CCDC148: variants seen among roughly 807,000 people sequenced by gnomAD.
CCDC148 encodes the protein coiled-coil domain containing 148, also known as coiled-coil domain-containing protein 148.
Under a neutral mutation model 85.7 loss-of-function variants are expected in CCDC148, and 89 were observed. That is an observed-to-expected ratio of 1.04 (90% CI 0.87 to 1.24). The LOEUF (loss-of-function observed/expected upper bound fraction) is 1.24, where lower values mean the gene tolerates loss of function less well. CCDC148 is among the 50% of genes most tolerant of loss of function. CCDC148 has a pLI of 0.00. For missense variants in CCDC148, 692 were observed against 671.7 expected, an observed-to-expected ratio of 1.03 and a Z score of -0.33; for synonymous variants, 230 against 213.9, an observed-to-expected ratio of 1.08 and a Z score of -0.66.
intron 1 of CCDC148, among the ~76,000 whole-genome samples, chr2:158,431,980 A>C (rs1218318585): frequency 2.0e-5 from 3 of 152,168 alleles, no homozygotes; most frequent in Admixed American, 6.5e-5. Flanking sequence ...TACCACACAT[A>C]TACATGAAAA....
chr2:158,322,686 A>G (rs1692575481), intron 7 of CCDC148, among the ~76,000 whole-genome samples: 1 of 152,088 alleles, frequency 6.6e-6, no homozygotes. Context: ...ACTAATGAGT[A>G]GAATAAAGCT....
chr2:158,172,614 T>A (rs1277070797), intron 13 of CCDC148, among the ~76,000 whole-genome samples: 1 of 152,100 alleles, frequency 6.6e-6, no homozygotes, highest in Non-Finnish European at 1.5e-5. Flanking sequence ...AATCATTGAT[T>A]AAAATAAATC....
chr2:158,220,743 A>G, intron 10 of CCDC148, 30 bp from the exon 11 acceptor site: 2 of 1,476,434 alleles, frequency 1.4e-6, no homozygotes, highest in South Asian at 2.5e-5. Flanking sequence ...TAAAATTTAA[A>G]TTAACAACAG....
intron 1 of CCDC148, among the ~76,000 whole-genome samples, chr2:158,430,001 T>A (rs1687266217): frequency 6.6e-6 from 1 of 152,204 alleles, no homozygotes; most frequent in African/African-American, 2.4e-5. Flanking sequence ...GAGGGAGCTA[T>A]GCATAAAATC....
intron 1 of CCDC148, among the ~76,000 whole-genome samples, chr2:158,453,902 C>A (rs1485072083): frequency 6.6e-6 from 1 of 152,110 alleles, no homozygotes; most frequent in Non-Finnish European, 1.5e-5. Context: ...AGCACAGGCC[C>A]TCTCCCCACC....
rs776523193 is a variant in CCDC148, at chr2:158,313,853, G to A, written c.806C>T (p.Ala269Val). 6.2e-7 allele frequency: 1 copy of A among 1,613,774 alleles called. No homozygotes were observed. The highest frequency in any genetic ancestry group is 1.1e-5 in the South Asian group (1 of 91,052). The change falls in exon 8 of 14, where the codon GCT becomes GTT. Residue 269 changes from alanine to valine, a missense_variant. Physicochemically the swap from Ala to Val is moderately conservative, Grantham distance 64 (BLOSUM62 0). Coordinates refer to ENST00000283233, the MANE Select transcript of CCDC148 (RefSeq NM_138803.4). ...LSEEDHWIYQ[A>V]ILDQYPGDLF... The stretch of plus-strand genomic sequence containing the variant: ...ATCTCCAGGGTACTGATCCAAAATA[G>A]CCTGGTAAATCCAGTGGTCTTCTTC...
In CCDC148 at chr2:158,456,656, C is replaced by T. The variant is rs577747101; in HGVS notation, c.-217G>A. ...GCCAGCGCTGGGGAATCTCCCTGTC[C>T]TCTCCGCCACCCCCTCCCGCGCCCG... On this transcript the variant is annotated 5_prime_UTR_variant, in exon 1 of 14. Transcript: ENST00000283233. The T allele has an allele frequency of 3.6e-4, 221 of 610,784 alleles. No homozygotes were observed. The African/African-American group carries it at 3.7e-3, about 10-fold the overall frequency. 37.8% of individuals were successfully genotyped at this position (610,784 alleles called of 1,614,324 possible).
At chr2:158,274,934 A>C (rs187508708) in intron 9 of CCDC148, among the ~76,000 whole-genome samples, 14 of 152,382 alleles carry the variant, frequency 9.2e-5, no homozygotes, top group Admixed American at 6.5e-4. Context: ...AAAGGATTTC[A>C]AGATGAAAGG....
chr2:158,271,267 T>A (rs1689687113), intron 9 of CCDC148, among the ~76,000 whole-genome samples: 1 of 152,226 alleles, frequency 6.6e-6, no homozygotes, highest in Non-Finnish European at 1.5e-5. Flanking sequence ...AATATATCTA[T>A]GCTTCTTAAC....
At position 158,315,973 on chromosome 2, in the gene CCDC148, C is replaced by T. The variant is rs372344693; in HGVS notation, c.765-2079G>A. Among the ~76,000 whole-genome samples, 14 of 152,338 alleles carry T rather than the reference C, an allele frequency of 9.2e-5. No homozygotes were observed. The East Asian group carries it at 2.5e-3, about 27-fold the overall frequency. On this transcript the variant is annotated intron_variant, in intron 7 of 13. Coordinates refer to ENST00000283233, the MANE Select transcript of CCDC148 (RefSeq NM_138803.4). Reference sequence around the variant, plus strand: ...CTTTCTTGCTTACACATTTCCCTTCCTCTATTTGGCTTCCTTCACAGCCCT... The same window carrying T: ...CTTTCTTGCTTACACATTTCCCTTCTTCTATTTGGCTTCCTTCACAGCCCT...
intron 1 of CCDC148, among the ~76,000 whole-genome samples, chr2:158,376,294 A>T (rs1205494822): frequency 1.3e-5 from 2 of 152,084 alleles, no homozygotes. Flanking sequence ...CTGGAAAGGG[A>T]AAGAAAAAAA....
chr2:158,358,895 T>G (rs1408502852), intron 1 of CCDC148, among the ~76,000 whole-genome samples: 1 of 152,126 alleles, frequency 6.6e-6, no homozygotes, highest in Non-Finnish European at 1.5e-5. Context: ...TAACCCATTC[T>G]TTTTATTTAA....
At chr2:158,394,709 C>G (rs555221891) in intron 1 of CCDC148, among the ~76,000 whole-genome samples, 1 of 152,138 alleles carries the variant, frequency 6.6e-6, no homozygotes, top group East Asian at 1.9e-4. Context: ...GGCCCCTCCT[C>G]TGTTCCCTTT....
At chr2:158,399,516 C>T (rs191498565) in intron 1 of CCDC148, among the ~76,000 whole-genome samples, 17 of 151,932 alleles carry the variant, frequency 1.1e-4, no homozygotes, top group East Asian at 3.9e-4. Context: ...ACAGAACCAA[C>T]GACAAAAAAC....
At chr2:158,312,394 C>T (rs1692064357) in intron 8 of CCDC148, among the ~76,000 whole-genome samples, 1 of 151,838 alleles carries the variant, frequency 6.6e-6, no homozygotes, top group Non-Finnish European at 1.5e-5. Context: ...CCATCCTGGC[C>T]AACACGGTGA....
At chr2:158,252,217 C>T (rs1181334007) in intron 9 of CCDC148, among the ~76,000 whole-genome samples, 1 of 151,736 alleles carries the variant, frequency 6.6e-6, no homozygotes, top group Non-Finnish European at 1.5e-5. Context: ...TAAAGTGACT[C>T]TAAAGTTCAT....
intron 7 of CCDC148, among the ~76,000 whole-genome samples, chr2:158,331,124 C>G (rs1693087219): frequency 6.6e-6 from 1 of 152,048 alleles, no homozygotes; most frequent in African/African-American, 2.4e-5. Flanking sequence ...TAGATCTTTC[C>G]TGCTTTCTCT....
chr2:158,239,389 T>A (rs1688253292), intron 10 of CCDC148, among the ~76,000 whole-genome samples: 1 of 151,542 alleles, frequency 6.6e-6, no homozygotes, highest in Non-Finnish European at 1.5e-5. Flanking sequence ...TTCTACCTTT[T>A]AAAAAGATGC....
At position 158,333,039 on chromosome 2, in the gene CCDC148, C is replaced by G. The variant is rs184663790; in HGVS notation, c.764+5687G>C. On this transcript the variant is annotated intron_variant, in intron 7 of 13. Transcript: ENST00000283233. Reference sequence around the variant, plus strand: ...TTTCTTGTCTCTATCTCTTTCAGTTCTGCTCTGATCTTAGTTATTTCTTGT... The same window carrying G: ...TTTCTTGTCTCTATCTCTTTCAGTTGTGCTCTGATCTTAGTTATTTCTTGT... 4.9e-3 allele frequency among the ~76,000 whole-genome samples: 738 copies of G among 152,078 alleles called. 2 individuals are homozygous for G. Among genetic ancestry groups the G allele is most frequent in the African/African-American group, 0.016 (667 of 41,490 alleles).
Sources: gnomAD v4.1 joint callset for allele counts (sites outside exome capture counted in the v4.1 genomes callset) on GRCh38, gnomAD v4.1.1 for gene constraint, MANE v1.5 for transcripts, NCBI Gene and HGNC (gene_info 2026-07-23, HGNC 2026-07-21) for gene names.